RNLS: variants seen among roughly 807,000 people sequenced by gnomAD.
The protein encoded by RNLS is renalase.
Under a neutral mutation model 39.8 loss-of-function variants are expected in RNLS, and 39 were observed. The observed-to-expected ratio is 0.98, with a 90% confidence interval of 0.76 to 1.28. RNLS has a LOEUF of 1.28. RNLS is among the 50% of genes most tolerant of loss of function. RNLS has a pLI of 0.00. For missense variants in RNLS, 410 were observed against 413.3 expected, an observed-to-expected ratio of 0.99 and a Z score of 0.07; for synonymous variants, 147 against 150.7, an observed-to-expected ratio of 0.98 and a Z score of 0.18.
intron 4 of RNLS, among the ~76,000 whole-genome samples, chr10:88,393,593 A>G (rs1197548166): frequency 9.2e-5 from 14 of 152,230 alleles, no homozygotes; most frequent in South Asian, 2.1e-4. Context: ...GGCAGAATCA[A>G]TATCGTGAAA....
intron 4 of RNLS, among the ~76,000 whole-genome samples, chr10:88,417,913 G>A (rs1854137048): frequency 6.6e-6 from 1 of 152,064 alleles, no homozygotes; most frequent in African/African-American, 2.4e-5. Flanking sequence ...TGACATTCCT[G>A]CCTCACTCTA....
chr10:88,314,180 CT>C (rs1288462224), intron 6 of RNLS, among the ~76,000 whole-genome samples: 7 of 152,178 alleles, frequency 4.6e-5, no homozygotes, highest in Admixed American at 3.9e-4. Flanking sequence ...GAGATATAAC[CT>C]GCCTTATCTG....
intron 4 of RNLS, among the ~76,000 whole-genome samples, chr10:88,393,465 C>T (rs1589718458): frequency 6.6e-6 from 1 of 152,058 alleles, no homozygotes; most frequent in African/African-American, 2.4e-5. Context: ...CAATAAAATA[C>T]CTAGGAATCC....
intron 4 of RNLS, among the ~76,000 whole-genome samples, chr10:88,471,292 G>A (rs1391246084): frequency 6.6e-6 from 1 of 152,212 alleles, no homozygotes; most frequent in Non-Finnish European, 1.5e-5. Flanking sequence ...AAATAAGACT[G>A]CAACACACTA....
intron 4 of RNLS, among the ~76,000 whole-genome samples, chr10:88,495,168 T>A (rs1057335140): frequency 2.0e-5 from 3 of 152,170 alleles, no homozygotes; most frequent in African/African-American, 7.2e-5. Context: ...TAAGAAGCAA[T>A]GTTAAATAAT....
At chr10:88,337,254 T>G (rs1847570666) in intron 5 of RNLS, among the ~76,000 whole-genome samples, 1 of 152,186 alleles carries the variant, frequency 6.6e-6, no homozygotes. Flanking sequence ...TGTAGCTAAC[T>G]AACTACTGAC....
chr10:88,502,592 C>T (rs777189216), intron 4 of RNLS, among the ~76,000 whole-genome samples: 5 of 152,120 alleles, frequency 3.3e-5, no homozygotes, highest in Non-Finnish European at 7.4e-5. Context: ...GCCAAATAAA[C>T]CTCTTTTCTT....
At chr10:88,232,351 C>T in the RNLS span, among the ~76,000 whole-genome samples, 1,205 of 152,344 alleles carry the variant, frequency 7.9e-3, 6 homozygotes, top group Non-Finnish European at 0.012. Context: ...ATGGCCACTA[C>T]ACCCACACCC....
chr10:88,414,913 C>T (rs1450903818), intron 4 of RNLS, among the ~76,000 whole-genome samples: 2 of 152,098 alleles, frequency 1.3e-5, no homozygotes, highest in South Asian at 2.1e-4. Context: ...AGGAAGTCAG[C>T]CTGTGGGTAT....
intron 4 of RNLS, among the ~76,000 whole-genome samples, chr10:88,390,574 T>C (rs1222267011): frequency 2.6e-5 from 4 of 151,234 alleles, no homozygotes; most frequent in African/African-American, 9.7e-5. Flanking sequence ...GGTTTTCTTA[T>C]TGGGGACCTT....
rs138549757 is a variant in RNLS at position 88,287,837 on chromosome 10, C to G, written c.877-2331G>C. Among the ~76,000 whole-genome samples, 617 of 152,036 alleles carry G rather than the reference C, an allele frequency of 4.1e-3. 3 individuals are homozygous for G. The highest frequency in any genetic ancestry group is 0.014 in the African/African-American group (564 of 41,504). On this transcript the variant is annotated intron_variant, in intron 6 of 6. Transcript: ENST00000331772. ...AATAGCGGAAACTGCCAACATGATCCAATCACCTCCCACCAGGTACCTCCC... is the reference window on the plus strand; with the variant it reads ...AATAGCGGAAACTGCCAACATGATCGAATCACCTCCCACCAGGTACCTCCC...
At chr10:88,230,555 C>A in the RNLS span, among the ~76,000 whole-genome samples, 2 of 152,178 alleles carry the variant, frequency 1.3e-5, no homozygotes, top group African/African-American at 4.8e-5. Flanking sequence ...CTTTCCACAG[C>A]GTACATCTAC....
chr10:88,545,614 T>C lies in RNLS; in HGVS notation c.526+27289A>G, dbSNP rs141697877. The C allele has an allele frequency of 2.3e-3, 846 of 362,678 alleles. 6 individuals carry two copies. Among genetic ancestry groups the C allele is most frequent in the African/African-American group, 0.016 (768 of 47,420 alleles). The allele number at this position is 362,678 out of a possible 1,614,324, so 22.5% of individuals were successfully genotyped here. ...CCTCCCATGACACGTGGGGATTATG[T>C]GAGTTAAATTCAATTGGAGAACTGG... On this transcript the variant is annotated intron_variant, in intron 4 of 6. Transcript: ENST00000331772.
At chr10:88,531,026 G>A (rs1218424927) in intron 4 of RNLS, among the ~76,000 whole-genome samples, 4 of 151,936 alleles carry the variant, frequency 2.6e-5, no homozygotes, top group Non-Finnish European at 5.9e-5. Flanking sequence ...AATAAAAGAC[G>A]CTAGATGGGA....
rs951807985 is a variant in RNLS at position 88,549,503 on chromosome 10, C to A, written c.526+23400G>T. Among the ~76,000 whole-genome samples, 8 of 152,068 alleles carry A rather than the reference C, an allele frequency of 5.3e-5. 1 individual carries two copies. The highest frequency in any genetic ancestry group is 2.6e-4 in the Admixed American group (4 of 15,266). ...ATCAATTAAGCCCAGGGGTTCAGGGCCCCAGTGAGCTATGATTGTGCTACT... is the reference window on the plus strand; with the variant it reads ...ATCAATTAAGCCCAGGGGTTCAGGGACCCAGTGAGCTATGATTGTGCTACT... On this transcript the variant is annotated intron_variant, in intron 4 of 6. Transcript: ENST00000331772.
At chr10:88,486,680 G>A (rs559192279) in intron 4 of RNLS, among the ~76,000 whole-genome samples, 1 of 152,252 alleles carries the variant, frequency 6.6e-6, no homozygotes, top group East Asian at 1.9e-4. Context: ...ACACCAGTCA[G>A]AATGGCTACT....
At chr10:88,373,821 C>T (rs1353639337) in intron 4 of RNLS, among the ~76,000 whole-genome samples, 3 of 151,938 alleles carry the variant, frequency 2.0e-5, no homozygotes, top group East Asian at 1.9e-4. Context: ...CTGAGATTCA[C>T]GTCACTGCAA....
chr10:88,430,842 T>G (rs560880172), intron 4 of RNLS, among the ~76,000 whole-genome samples: 1 of 151,934 alleles, frequency 6.6e-6, no homozygotes, highest in East Asian at 1.9e-4. Context: ...AAACCCCATT[T>G]TGTCGTGGTC....
chr10:88,186,749 A>G, the RNLS span, among the ~76,000 whole-genome samples: 4 of 152,034 alleles, frequency 2.6e-5, no homozygotes, highest in Non-Finnish European at 5.9e-5. Flanking sequence ...AAAAAAAAAA[A>G]TTTTGAGCAA....
Sources: allele counts gnomAD v4.1 joint callset (sites outside exome capture counted in the v4.1 genomes callset), GRCh38; gene constraint gnomAD v4.1.1; transcripts MANE v1.5; gene names NCBI Gene and HGNC (gene_info 2026-07-23, HGNC 2026-07-21).